CCDC150: variants seen among roughly 807,000 people sequenced by gnomAD.
The protein encoded by CCDC150 is coiled-coil domain containing 150, also known as coiled-coil domain-containing protein 150.
A neutral mutation model predicts 156.5 loss-of-function variants in CCDC150; 151 were observed. That is an observed-to-expected ratio of 0.97 (90% CI 0.85 to 1.10). The LOEUF is 1.10. CCDC150 is among the 50% of genes least tolerant of loss of function. CCDC150 has a pLI of 0.00. For missense variants in CCDC150, 1,312 were observed against 1,268.1 expected (o/e 1.03, Z -0.53); for synonymous variants, 452 against 429.4 (o/e 1.05, Z -0.65).
chr2:196,712,086 A>G (rs1697163507), intron 15 of CCDC150, 59 bp from the exon 16 acceptor site: 1 of 678,164 alleles, frequency 1.5e-6, no homozygotes. Flanking sequence ...ATGTGTAAAT[A>G]TATATGTTTA....
At chr2:196,713,800 C>A in intron 17 of CCDC150, 2 of 1,145,790 alleles carry the variant, frequency 1.7e-6, no homozygotes, top group African/African-American at 1.6e-5. Flanking sequence ...AGGTTCTTCA[C>A]AAATAGAAAA....
Position 196,719,504 on chromosome 2 carries a change from A to G in CCDC150, c.2003A>G (p.Asn668Ser). Residue 668 changes from asparagine (N) to serine (S), a missense_variant, in exon 19 of 28, where the codon AAC becomes AGC. Coordinates refer to ENST00000389175, the MANE Select transcript of CCDC150 (RefSeq NM_001080539.2). ...TGTTTCATTTTCTGTTAGGTGGGAA[A>G]CTTTCAGCGACAATTGGCAGAAGCT... ...VEDRENKKVG[N>S]FQRQLAEAKE... The G allele has an allele frequency of 6.2e-7, 1 of 1,609,972 alleles. No individual in the cohort carries two copies. The highest frequency in any genetic ancestry group is 8.5e-7 in the Non-Finnish European group (1 of 1,178,358).
chr2:196,665,872 G>A (rs2125596612), intron 6 of CCDC150, among the ~76,000 whole-genome samples, 189 bp downstream of exon 6: 1 of 152,058 alleles, frequency 6.6e-6, no homozygotes, highest in South Asian at 2.1e-4. Flanking sequence ...AGACCCTAAT[G>A]TCATTATTCA....
At chr2:196,672,572 T>C in intron 9 of CCDC150, 135 bp downstream of exon 9, 1 of 490,712 alleles carries the variant, frequency 2.0e-6, no homozygotes, top group Non-Finnish European at 3.6e-6. Flanking sequence ...CCATAAGATT[T>C]ATTTCATCTT....
chr2:196,702,587 T>C (rs1457978028), intron 15 of CCDC150, among the ~76,000 whole-genome samples: 1 of 151,918 alleles, frequency 6.6e-6, no homozygotes, highest in Non-Finnish European at 1.5e-5. Context: ...CCCAGGCTGG[T>C]CTCGAACTCC....
chr2:196,663,839 T>C (rs1275884467), intron 5 of CCDC150, among the ~76,000 whole-genome samples: 1 of 152,148 alleles, frequency 6.6e-6, no homozygotes, highest in East Asian at 1.9e-4. Flanking sequence ...TAATGTCATC[T>C]ACGCTGGGGT....
At chr2:196,727,703 G>C (rs905272961) in intron 22 of CCDC150, 1 of 152,058 alleles carries the variant, frequency 6.6e-6, no homozygotes, top group Non-Finnish European at 1.5e-5. Flanking sequence ...TGTACCTTTA[G>C]TCGGAGATCA....
chr2:196,642,721 A>C (rs1692304270), intron 1 of CCDC150, among the ~76,000 whole-genome samples: 1 of 151,978 alleles, frequency 6.6e-6, no homozygotes, highest in African/African-American at 2.4e-5. Flanking sequence ...GTTTTTAACT[A>C]ACCCTGAGAC....
intron 1 of CCDC150, among the ~76,000 whole-genome samples, chr2:196,643,606 A>G (rs1692366410): frequency 6.6e-6 from 1 of 152,252 alleles, no homozygotes. Context: ...ATCCTATTCA[A>G]AATATGTGGG....
chr2:196,695,003 A>C (rs1250783645), intron 13 of CCDC150, 43 bp from the exon 14 acceptor site: 2 of 987,592 alleles, frequency 2.0e-6, no homozygotes, highest in Non-Finnish European at 3.1e-6. Context: ...TACTTTTTGC[A>C]TCTGGCGTAA....
intron 13 of CCDC150, among the ~76,000 whole-genome samples, chr2:196,688,112 T>C (rs1575839661): frequency 6.6e-6 from 1 of 152,216 alleles, no homozygotes; most frequent in East Asian, 1.9e-4. Context: ...ATATAAATTT[T>C]AAAATAGTAT....
chr2:196,678,076 G>C (rs1177383233), intron 13 of CCDC150, among the ~76,000 whole-genome samples: 4 of 152,128 alleles, frequency 2.6e-5, no homozygotes, highest in African/African-American at 9.7e-5. Flanking sequence ...CATTTTCTGG[G>C]TTCTAAAACA....
intron 14 of CCDC150, among the ~76,000 whole-genome samples, chr2:196,695,652 G>A (rs1050135286): frequency 1.3e-5 from 2 of 151,998 alleles, no homozygotes; most frequent in African/African-American, 4.8e-5. Context: ...GACCATCCTG[G>A]CTAACACGGT....
intron 17 of CCDC150, 83 bp from the exon 18 acceptor site, chr2:196,718,420 T>G (rs1697668256): frequency 2.7e-6 from 3 of 1,108,936 alleles, no homozygotes; most frequent in Non-Finnish European, 3.8e-6. Flanking sequence ...ATTTAAACAT[T>G]TAAAATTTGG....
At chr2:196,690,078 A>T (rs1695361521) in intron 13 of CCDC150, among the ~76,000 whole-genome samples, 1 of 152,098 alleles carries the variant, frequency 6.6e-6, no homozygotes, top group South Asian at 2.1e-4. Flanking sequence ...CTTTGTAGGG[A>T]CATGGATGAA....
intron 26 of CCDC150, 102 bp downstream of exon 26, chr2:196,731,047 AG>A (rs1698489349): frequency 1.3e-6 from 1 of 766,522 alleles, no homozygotes; most frequent in South Asian, 2.0e-5. Context: ...CGTAGTTGTC[AG>A]GAATGCAACA....
At chr2:196,718,431 T>C (rs1416661205) in intron 17 of CCDC150, 72 bp from the exon 18 acceptor site, 1 of 1,246,788 alleles carries the variant, frequency 8.0e-7, no homozygotes, top group East Asian at 2.6e-5. Context: ...TAAAATTTGG[T>C]TTCTAAATTT....
At chr2:196,645,391 A>G (rs2125565934) in intron 1 of CCDC150, among the ~76,000 whole-genome samples, 1 of 152,322 alleles carries the variant, frequency 6.6e-6, no homozygotes, top group Non-Finnish European at 1.5e-5. Flanking sequence ...ACCTGATGAC[A>G]TAGGAAGTGG....
intron 17 of CCDC150, among the ~76,000 whole-genome samples, chr2:196,717,307 G>T (rs1006516042): frequency 1.3e-5 from 2 of 152,094 alleles, no homozygotes; most frequent in African/African-American, 2.4e-5. Context: ...GTTTTTGGAG[G>T]GAAGAGTGAA....
Sources: gnomAD v4.1 joint callset for allele counts (sites outside exome capture counted in the v4.1 genomes callset) on GRCh38, gnomAD v4.1.1 for gene constraint, MANE v1.5 for transcripts, NCBI Gene and HGNC (gene_info 2026-07-23, HGNC 2026-07-21) for gene names.